RAD54B: variants seen among roughly 807,000 people sequenced by gnomAD.
RAD54B encodes DNA repair and recombination protein RAD54B.
A neutral mutation model predicts 95.8 loss-of-function variants in RAD54B; 78 were observed. That is an observed-to-expected ratio of 0.81 (90% CI 0.68 to 0.98). The LOEUF (loss-of-function observed/expected upper bound fraction) is 0.98, where lower values mean the gene tolerates loss of function less well. RAD54B is among the 50% of genes least tolerant of loss of function. The pLI, the probability that RAD54B is intolerant of heterozygous loss-of-function variation, is 0.00. For missense variants in RAD54B, 957 were observed against 1,056.6 expected (o/e 0.91, Z 1.31); for synonymous variants, 328 against 354.9 (o/e 0.92, Z 0.85).
At chr8:94,395,052 G>C (rs1394091240) in intron 8 of RAD54B, among the ~76,000 whole-genome samples, 1 of 152,184 alleles carries the variant, frequency 6.6e-6, no homozygotes, top group Non-Finnish European at 1.5e-5. Context: ...GAATATGCAT[G>C]ATGATGACAA....
chr8:94,436,707 A>G, intron 3 of RAD54B: 2 of 1,550,724 alleles, frequency 1.3e-6, no homozygotes, highest in Middle Eastern at 1.7e-4. Context: ...CTCCAATTGC[A>G]TTATAGTTAA....
At chr8:94,422,608 AAAAAAAAAAATATATATAT>A (rs1811837653) in intron 3 of RAD54B, among the ~76,000 whole-genome samples, 1 of 100,756 alleles carries the variant, frequency 9.9e-6, no homozygotes, top group African/African-American at 5.3e-5. Context: ...AAAAAAAAAA[AAAAAAAAAAATATATATAT>A]ATATATATAT....
chr8:94,375,975 A>G (rs1444261508), intron 14 of RAD54B, among the ~76,000 whole-genome samples: 2 of 152,154 alleles, frequency 1.3e-5, no homozygotes, highest in Non-Finnish European at 2.9e-5. Flanking sequence ...TACATTTTAT[A>G]TTTTTAAATA....
chr8:94,391,600 T>A lies in RAD54B; in HGVS notation c.1809+9A>T. 1 of 1,610,548 alleles carries A rather than the reference T, an allele frequency of 6.2e-7. No homozygotes were observed. Among genetic ancestry groups the A allele is most frequent in the Non-Finnish European group, 8.5e-7 (1 of 1,178,486 alleles). ...ATCCCTGACACAGTTTCAGATACTATGCACTTACCTTTATAGAGTTGAACA... is the reference window on the plus strand; with the variant it reads ...ATCCCTGACACAGTTTCAGATACTAAGCACTTACCTTTATAGAGTTGAACA... On this transcript the variant is annotated intron_variant, in intron 10 of 14. Coordinates refer to ENST00000336148, the MANE Select transcript of RAD54B (RefSeq NM_012415.3).
chr8:94,434,698 A>G (rs1455983530), intron 3 of RAD54B, among the ~76,000 whole-genome samples: 1 of 151,648 alleles, frequency 6.6e-6, no homozygotes, highest in African/African-American at 2.4e-5. Flanking sequence ...AGCACATTAA[A>G]TATATATATT....
In RAD54B at chr8:94,458,407, C is replaced by A. The variant is rs369361923; in HGVS notation, c.165G>T (p.Pro55=). 1.3e-6 allele frequency: 2 copies of A among 1,596,830 alleles called. No individual in the cohort carries two copies. The highest frequency in any genetic ancestry group is 1.7e-6 in the Non-Finnish European group (2 of 1,173,530). Residue 55 remains proline (P), a synonymous_variant, in exon 3 of 15, where the codon CCG becomes CCT. Transcript: ENST00000336148. ...EGVAINNTFL[P]SQNDLRICSL... ...TGCATATTCTAAGATCATTTTGTGA[C>A]GGGAGAAAGGTGTTATTAATTGCAA...
At chr8:94,450,565 C>T (rs534917853) in intron 3 of RAD54B, among the ~76,000 whole-genome samples, 2 of 152,302 alleles carry the variant, frequency 1.3e-5, no homozygotes, top group Middle Eastern at 6.8e-3. Flanking sequence ...GTATAACTAA[C>T]TTCTATTCAA....
chr8:94,431,568 A>G, intron 3 of RAD54B: 1 of 943,066 alleles, frequency 1.1e-6, no homozygotes, highest in Non-Finnish European at 1.3e-6. Flanking sequence ...TTGTTACCCT[A>G]AGTAAGTCAT....
chr8:94,438,195 T>C (rs545086295), intron 3 of RAD54B, among the ~76,000 whole-genome samples: 1 of 152,360 alleles, frequency 6.6e-6, no homozygotes, highest in Admixed American at 6.5e-5. Flanking sequence ...TGTTTTTCAT[T>C]CTTTTAACAA....
At chr8:94,447,223 C>T (rs1482650295) in intron 3 of RAD54B, among the ~76,000 whole-genome samples, 1 of 152,082 alleles carries the variant, frequency 6.6e-6, no homozygotes, top group East Asian at 1.9e-4. Flanking sequence ...AATCACAGAC[C>T]TACTCTATAT....
chr8:94,469,646 T>C (rs1409077179), intron 1 of RAD54B, among the ~76,000 whole-genome samples: 1 of 152,168 alleles, frequency 6.6e-6, no homozygotes, highest in Non-Finnish European at 1.5e-5. Context: ...ATCAAACATG[T>C]TGCCTTTTTC....
chr8:94,457,675 G>A (rs1812810152), intron 3 of RAD54B, among the ~76,000 whole-genome samples: 1 of 152,200 alleles, frequency 6.6e-6, no homozygotes, highest in Admixed American at 6.5e-5. Context: ...GAAAAATACA[G>A]TCTAATGATG....
At position 94,458,362 on chromosome 8, in the gene RAD54B, T is replaced by C. The variant is rs746251354; in HGVS notation, c.210A>G (p.Glu70=). ...LRICSLNLPS[E]ESTREINNRD... ...TGTTATTGATTTCTCTAGTACTTTC[T>C]TCACTAGGCAGATTTAAACTGCATA... The change falls in exon 3 of 15, where the codon GAA becomes GAG. Residue 70 remains glutamate, a synonymous_variant. Coordinates refer to ENST00000336148, the MANE Select transcript of RAD54B (RefSeq NM_012415.3). The C allele has an allele frequency of 3.7e-6, 6 of 1,608,862 alleles. No individual in the cohort carries two copies. The highest frequency in any genetic ancestry group is 5.1e-6 in the Non-Finnish European group (6 of 1,177,974).
intron 3 of RAD54B, among the ~76,000 whole-genome samples, chr8:94,454,084 C>T (rs1440562634): frequency 2.0e-5 from 3 of 152,096 alleles, no homozygotes; most frequent in Non-Finnish European, 4.4e-5. Context: ...AGCCACCATG[C>T]CCGGCCAACT....
chr8:94,465,094 G>A (rs1240260474), intron 2 of RAD54B, among the ~76,000 whole-genome samples: 2 of 147,816 alleles, frequency 1.4e-5, no homozygotes, highest in African/African-American at 5.0e-5. Context: ...ATTCTGAAGG[G>A]ACAAATATCC....
At chr8:94,444,610 C>T (rs143884986) in intron 3 of RAD54B, among the ~76,000 whole-genome samples, 1,532 of 152,282 alleles carry the variant, frequency 0.01, 7 homozygotes, top group Non-Finnish European at 0.016. Flanking sequence ...CCTTGACCAA[C>T]TCTAGCAAAG....
At chr8:94,474,787 GC>G (rs1813258280) in intron 1 of RAD54B, among the ~76,000 whole-genome samples, 1 of 152,026 alleles carries the variant, frequency 6.6e-6, no homozygotes, top group African/African-American at 2.4e-5. Flanking sequence ...AACCCCCACC[GC>G]CCGCCCTTCG....
intron 11 of RAD54B, among the ~76,000 whole-genome samples, chr8:94,382,522 C>T (rs1289595136): frequency 6.6e-6 from 1 of 152,250 alleles, no homozygotes; most frequent in South Asian, 2.1e-4. Context: ...TCTTAGGAAA[C>T]TACTGTGAGA....
At position 94,371,994 on chromosome 8, in the gene RAD54B, A is replaced by G; in HGVS notation, c.*176T>C. On this transcript the variant is annotated 3_prime_UTR_variant, in exon 15 of 15. Transcript: ENST00000336148. The stretch of plus-strand genomic sequence containing the variant: ...ATAAGCACATCTTTATTTTTCATTT[A>G]AACACTTAATATTTACAAAACATTA... 1 of 1,089,356 alleles carries G rather than the reference A, an allele frequency of 9.2e-7. No homozygotes were observed. 67.5% of individuals were successfully genotyped at this position (1,089,356 alleles called of 1,614,324 possible).
Sources: gnomAD v4.1 joint callset for allele counts (sites outside exome capture counted in the v4.1 genomes callset) on GRCh38, gnomAD v4.1.1 for gene constraint, MANE v1.5 for transcripts, NCBI Gene and HGNC (gene_info 2026-07-23, HGNC 2026-07-21) for gene names.